DKKL1: variants seen among roughly 807,000 people sequenced by gnomAD.
The protein encoded by DKKL1 is dickkopf like acrosomal protein 1, also known as dickkopf-like protein 1.
DKKL1 carries 11 observed loss-of-function variants against 16.5 expected under a neutral mutation model. The ratio of observed to expected loss-of-function variants is 0.67; its 90% CI spans 0.42 to 1.10. The LOEUF is 1.10. Ranked by LOEUF, DKKL1 falls within the 50% of genes least tolerant of loss-of-function variation. The probability of loss-of-function intolerance (pLI) is 0.00; values close to 1 mark genes in which losing one functional copy is unlikely to be tolerated. For synonymous variants in DKKL1, 119 were observed against 133.2 expected, an observed-to-expected ratio of 0.89 and a Z score of 0.73; for missense variants, 320 against 308.1, an observed-to-expected ratio of 1.04 and a Z score of -0.29.
chr19:49,363,819 G>A (rs970453762), upstream of DKKL1: 38 of 854,812 alleles, frequency 4.4e-5, no homozygotes, highest in African/African-American at 6.0e-4. Context: ...AGTTTGGAGC[G>A]TGGTCAGACA....
At chr19:49,369,329 G>A (rs1973381984) in intron 4 of DKKL1, 1 of 151,670 alleles carries the variant, frequency 6.6e-6, no homozygotes, top group Non-Finnish European at 1.5e-5. Context: ...ATTTTTTTTT[G>A]TTTGTTTTTT....
chr19:49,371,124 A>G (rs747748114), intron 4 of DKKL1: 2 of 152,326 alleles, frequency 1.3e-5, no homozygotes, highest in African/African-American at 4.8e-5. Context: ...CACCTGCAGA[A>G]AAAACAATAG....
intron 3 of DKKL1, 59 bp from the exon 4 acceptor site, chr19:49,365,734 G>A (rs1973223733): frequency 1.2e-6 from 2 of 1,602,858 alleles, no homozygotes; most frequent in Non-Finnish European, 1.7e-6. Context: ...CTGTTGGGAG[G>A]GAAGGAGGGC....
chr19:49,361,165 G>A (rs1307112735), upstream of DKKL1, among the ~76,000 whole-genome samples: 1 of 97,564 alleles, frequency 1.0e-5, no homozygotes, highest in East Asian at 3.9e-4. Context: ...CGGGGGGGGG[G>A]GACAGGGACC....
chr19:49,373,041 C>T (rs144389230), intron 4 of DKKL1, among the ~76,000 whole-genome samples: 5,247 of 151,746 alleles, frequency 0.035, 282 homozygotes, highest in African/African-American at 0.12. Context: ...TGGTGGCTCA[C>T]GCCTGTAATC....
At chr19:49,370,341 G>A (rs1006543559) in intron 4 of DKKL1, 15 of 148,548 alleles carry the variant, frequency 1.0e-4, no homozygotes, top group Non-Finnish European at 4.5e-5. Flanking sequence ...CGAAAGCTCA[G>A]ATAAGGATGC....
At chr19:49,368,041 G>C (rs1973327515) in intron 4 of DKKL1, among the ~76,000 whole-genome samples, 2 of 152,042 alleles carry the variant, frequency 1.3e-5, no homozygotes, top group Non-Finnish European at 2.9e-5. Context: ...GGCCAGGCAT[G>C]CTGGCTTACG....
At chr19:49,374,618 T>G in intron 4 of DKKL1, 99 bp from the exon 5 acceptor site, 1 of 1,148,006 alleles carries the variant, frequency 8.7e-7, no homozygotes, top group East Asian at 2.7e-5. Context: ...CCACAAAGCA[T>G]CCTGTCATCT....
chr19:49,368,299 T>G, intron 4 of DKKL1, among the ~76,000 whole-genome samples: 1 of 145,510 alleles, frequency 6.9e-6, no homozygotes, highest in Admixed American at 6.9e-5. Flanking sequence ...GGGGACAGAG[T>G]GAGACTCTGT....
intron 4 of DKKL1, among the ~76,000 whole-genome samples, chr19:49,366,830 C>T (rs1973269221): frequency 6.6e-6 from 1 of 151,520 alleles, no homozygotes; most frequent in Non-Finnish European, 1.5e-5. Flanking sequence ...ACCTCAGCCT[C>T]CGGAATAGCT....
At chr19:49,366,417 T>C (rs1973252052) in intron 4 of DKKL1, among the ~76,000 whole-genome samples, 1 of 130,914 alleles carries the variant, frequency 7.6e-6, no homozygotes, top group Non-Finnish European at 1.6e-5. Flanking sequence ...CTAGAGGGTT[T>C]TGTATCAAAG....
chr19:49,364,243 C>T (rs1191004196), intron 1 of DKKL1, among the ~76,000 whole-genome samples: 1 of 148,618 alleles, frequency 6.7e-6, no homozygotes, highest in Non-Finnish European at 1.5e-5. Flanking sequence ...CCAGCTACTT[C>T]GGGGGGCTGA....
intron 4 of DKKL1, among the ~76,000 whole-genome samples, chr19:49,372,048 T>C (rs1235482648): frequency 6.6e-6 from 1 of 152,210 alleles, no homozygotes. Context: ...GTTCCAATTC[T>C]TTGCTATTGT....
intron 4 of DKKL1, among the ~76,000 whole-genome samples, chr19:49,372,179 C>T (rs1973517418): frequency 6.6e-6 from 1 of 152,168 alleles, no homozygotes; most frequent in Non-Finnish European, 1.5e-5. Flanking sequence ...GCATCATTGG[C>T]ATGTGGGGCT....
upstream of DKKL1, chr19:49,362,221 G>A (rs79421387): frequency 0.2 from 30,312 of 152,474 alleles, 3,433 homozygotes; most frequent in Non-Finnish European, 0.25. Flanking sequence ...GCTCGGTCAC[G>A]GGAGCAAATT....
rs772487863 is a variant in DKKL1 at position 49,364,760 on chromosome 19, C to T, written c.183+6C>T. 3 of 1,610,820 alleles carry T rather than the reference C, an allele frequency of 1.9e-6. No individual in the cohort carries two copies. Among genetic ancestry groups the T allele is most frequent in the African/African-American group, 1.3e-5 (1 of 74,756 alleles). On this transcript the variant is annotated splice_donor_region_variant and intron_variant, in intron 2 of 4. Transcript: ENST00000221498. ...TCAGCCGACTTTTCCTGAAAGTAAG[C>T]GATGGCGGGGGGATGGGGGAAGAAG...
chr19:49,374,886 G>C lies in DKKL1; in HGVS notation c.587G>C (p.Arg196Pro). The C allele has an allele frequency of 6.2e-7, 1 of 1,613,998 alleles. No homozygotes were observed. The highest frequency in any genetic ancestry group is 8.5e-7 in the Non-Finnish European group (1 of 1,179,972). Residue 196 changes from arginine to proline, a missense_variant, in exon 5 of 5, where the codon CGC becomes CCC. Physicochemically the swap from Arg to Pro is moderately radical, Grantham distance 103. Coordinates refer to ENST00000221498, the MANE Select transcript of DKKL1 (RefSeq NM_014419.4). Reference sequence around the variant, plus strand: ...CACTGGCTCAGCGAGAAGCGACACCGCCTGCAGGCCATCCGGGATGGACTC... The same window carrying C: ...CACTGGCTCAGCGAGAAGCGACACCCCCTGCAGGCCATCCGGGATGGACTC... Reference protein sequence around the residue: ...GGHWLSEKRHRLQAIRDGLRK... With the variant: ...GGHWLSEKRHPLQAIRDGLRK...
rs771662060 is a variant in DKKL1, at chr19:49,374,913, G to A, written c.614G>A (p.Arg205His). The A allele has an allele frequency of 7.4e-6, 12 of 1,613,838 alleles. No homozygotes were observed. The highest frequency in any genetic ancestry group is 1.7e-5 in the Admixed American group (1 of 59,974). Residue 205 changes from arginine to histidine, a missense_variant, in exon 5 of 5, where the codon CGC becomes CAC. Coordinates refer to ENST00000221498, the MANE Select transcript of DKKL1 (RefSeq NM_014419.4). ...HRLQAIRDGL[R>H]KGTHKDVLEE... ...CTGCAGGCCATCCGGGATGGACTCC[G>A]CAAGGGGACCCACAAGGACGTCCTA...
chr19:49,370,899 A>C (rs544011537), intron 4 of DKKL1: 1 of 152,362 alleles, frequency 6.6e-6, no homozygotes, highest in African/African-American at 2.4e-5. Flanking sequence ...CCATTCTTGT[A>C]GCAGAGCTTC....
Sources: allele counts gnomAD v4.1 joint callset (sites outside exome capture counted in the v4.1 genomes callset), GRCh38; gene constraint gnomAD v4.1.1; transcripts MANE v1.5; gene names NCBI Gene and HGNC (gene_info 2026-07-23, HGNC 2026-07-21).